Variants in EPHA6 observed in about 807,000 individuals in gnomAD.
EPHA6 encodes the protein EPH receptor A6.
Under a neutral mutation model 112.0 loss-of-function variants are expected in EPHA6, and 50 were observed. The observed-to-expected ratio is 0.45, with a 90% confidence interval of 0.36 to 0.56. The LOEUF is 0.56. EPHA6 is among the 20% of genes least tolerant of loss of function. EPHA6 has a pLI of 0.00. For synonymous variants in EPHA6, 529 were observed against 490.7 expected, an observed-to-expected ratio of 1.08 and a Z score of -1.03; for missense variants, 1,280 against 1,417.4, an observed-to-expected ratio of 0.90 and a Z score of 1.56.
chr3:97,536,560 G>T (rs1250180962), intron 11 of EPHA6, among the ~76,000 whole-genome samples: 1 of 152,150 alleles, frequency 6.6e-6, no homozygotes, highest in Non-Finnish European at 1.5e-5. Flanking sequence ...AACAGAAAGT[G>T]CTGCGCTTGC....
chr3:97,342,374 C>T (rs2083348105), intron 5 of EPHA6, among the ~76,000 whole-genome samples: 1 of 152,178 alleles, frequency 6.6e-6, no homozygotes, highest in Admixed American at 6.5e-5. Context: ...GTCATCAATT[C>T]AAACAAGTTT....
chr3:97,668,162 G>GC (rs1467335884), intron 14 of EPHA6, among the ~76,000 whole-genome samples: 1 of 152,146 alleles, frequency 6.6e-6, no homozygotes, highest in Non-Finnish European at 1.5e-5. Context: ...GTTACCAACT[G>GC]CCCTCATAAT....
rs192634028 is a variant in EPHA6, at chr3:97,718,450, A to G, written c.2785-1811A>G. 6.6e-5 allele frequency among the ~76,000 whole-genome samples: 10 copies of G among 152,354 alleles called. No homozygotes were observed. The East Asian group carries it at 1.7e-3, about 26-fold the overall frequency. On this transcript the variant is annotated intron_variant, in intron 14 of 17. Coordinates refer to ENST00000389672, the MANE Select transcript of EPHA6 (RefSeq NM_001080448.3). ...GTTAAGTTTGAATTGCAGATAAACA[A>G]TGATTTGGTTTTTTTTAAGTATAAA...
intron 3 of EPHA6, among the ~76,000 whole-genome samples, chr3:97,220,531 G>T (rs2078163646): frequency 6.6e-6 from 1 of 152,152 alleles, no homozygotes; most frequent in Non-Finnish European, 1.5e-5. Flanking sequence ...ATGGCAGAAG[G>T]CAAAGGGGAA....
chr3:96,834,243 A>G (rs947121808), intron 1 of EPHA6, among the ~76,000 whole-genome samples: 1 of 152,010 alleles, frequency 6.6e-6, no homozygotes, highest in Non-Finnish European at 1.5e-5. Flanking sequence ...TACACAGGAA[A>G]AAATGAAAGA....
chr3:97,642,673 T>A (rs890581447), intron 14 of EPHA6, among the ~76,000 whole-genome samples: 2 of 151,958 alleles, frequency 1.3e-5, no homozygotes, highest in African/African-American at 4.8e-5. Flanking sequence ...TGCGATCAAC[T>A]GGAAGAAAGG....
In EPHA6 at chr3:97,586,150, T is replaced by C. The variant is rs541728827; in HGVS notation, c.2387-6462T>C. On this transcript the variant is annotated intron_variant, in intron 11 of 17. Transcript: ENST00000389672. ...TGTATCCACTCACTCAACTTGCATTTATTGAAACCCAGATCTGTGCATCTT... is the reference window on the plus strand; with the variant it reads ...TGTATCCACTCACTCAACTTGCATTCATTGAAACCCAGATCTGTGCATCTT... Among the ~76,000 whole-genome samples, 46 of 152,320 alleles carry C rather than the reference T, an allele frequency of 3.0e-4. 1 individual carries two copies. Among genetic ancestry groups the C allele is most frequent in the African/African-American group, 1.1e-3 (44 of 41,568 alleles).
intron 14 of EPHA6, among the ~76,000 whole-genome samples, chr3:97,706,182 T>G (rs964165416): frequency 4.6e-5 from 7 of 152,204 alleles, no homozygotes; most frequent in Admixed American, 1.3e-4. Context: ...TAAAGTGATT[T>G]TATTCTTTTT....
Position 97,543,692 on chromosome 3 carries a change from G to C in EPHA6, c.2386+11149G>C, listed in dbSNP as rs575015117. Among the ~76,000 whole-genome samples the C allele has an allele frequency of 2.2e-4, 34 of 152,004 alleles. No homozygotes were observed. In the Middle Eastern group the frequency reaches 0.014, roughly 61 times the overall value. ...TCTATAAATTACCTTGGGCAGTATG[G>C]CCATTTTCACGATATTGATTCTTCC... On this transcript the variant is annotated intron_variant, in intron 11 of 17. Coordinates refer to ENST00000389672, the MANE Select transcript of EPHA6 (RefSeq NM_001080448.3).
At chr3:97,014,821 A>G (rs985404966) in intron 3 of EPHA6, among the ~76,000 whole-genome samples, 19 of 152,300 alleles carry the variant, frequency 1.2e-4, no homozygotes, top group Non-Finnish European at 2.2e-4. Context: ...TTTCCTTAAC[A>G]TAACAATGCA....
At position 97,196,182 on chromosome 3, in the gene EPHA6, G is replaced by A. The variant is rs553100938; in HGVS notation, c.1115-30082G>A. 1.9e-4 allele frequency among the ~76,000 whole-genome samples: 27 copies of A among 142,818 alleles called. No homozygotes were observed. In the South Asian group the frequency reaches 6.0e-3, roughly 32 times the overall value. 93.7% of individuals were successfully genotyped at this position (142,818 alleles called of 152,430 possible). ...TTCTTCCTTGTTTTTTTTTTCTTTT[G>A]TCTCCATTTACTGTGTATTTTCAAA... On this transcript the variant is annotated intron_variant, in intron 3 of 17. Transcript: ENST00000389672.
intron 10 of EPHA6, among the ~76,000 whole-genome samples, chr3:97,518,564 T>C (rs373757896): frequency 6.6e-6 from 1 of 152,004 alleles, no homozygotes; most frequent in African/African-American, 2.4e-5. Context: ...CCATACTGTT[T>C]TCCATAGTGG....
intron 7 of EPHA6, among the ~76,000 whole-genome samples, chr3:97,469,719 T>G (rs906313377): frequency 6.6e-6 from 1 of 151,692 alleles, no homozygotes; most frequent in Non-Finnish European, 1.5e-5. Context: ...GAATGGGACA[T>G]GGGAAAGGGA....
At chr3:97,729,357 G>C (rs918353420) in intron 15 of EPHA6, among the ~76,000 whole-genome samples, 2 of 152,066 alleles carry the variant, frequency 1.3e-5, no homozygotes, top group Admixed American at 6.6e-5. Flanking sequence ...AGGCTTAATG[G>C]ACTCACAGTT....
At chr3:96,954,944 A>G (rs2041701482) in intron 2 of EPHA6, among the ~76,000 whole-genome samples, 1 of 151,028 alleles carries the variant, frequency 6.6e-6, no homozygotes. Context: ...TGTGCCTTCT[A>G]CATCTAGAAT....
At chr3:97,336,101 TCCAGTTGC>T (rs2083043874) in intron 5 of EPHA6, among the ~76,000 whole-genome samples, 1 of 152,116 alleles carries the variant, frequency 6.6e-6, no homozygotes, top group Admixed American at 6.6e-5. Flanking sequence ...TCTTGCAGCC[TCCAGTTGC>T]ATGACTCCTA....
At chr3:97,668,994 T>C (rs2030485633) in intron 14 of EPHA6, among the ~76,000 whole-genome samples, 1 of 150,390 alleles carries the variant, frequency 6.6e-6, no homozygotes, top group Non-Finnish European at 1.5e-5. Flanking sequence ...TGACATTCAT[T>C]ATGCTAATTA....
chr3:97,303,287 A>G (rs2081172519), intron 5 of EPHA6, among the ~76,000 whole-genome samples: 1 of 152,028 alleles, frequency 6.6e-6, no homozygotes, highest in Non-Finnish European at 1.5e-5. Context: ...CTCTGGAATA[A>G]TATAAGGACA....
At chr3:97,369,924 A>T (rs1369985252) in intron 5 of EPHA6, among the ~76,000 whole-genome samples, 2 of 152,188 alleles carry the variant, frequency 1.3e-5, no homozygotes, top group East Asian at 3.8e-4. Flanking sequence ...TTCTTTCCAT[A>T]AAGATGGTAG....
Sources: allele counts gnomAD v4.1 joint callset (sites outside exome capture counted in the v4.1 genomes callset), GRCh38; gene constraint gnomAD v4.1.1; transcripts MANE v1.5; gene names NCBI Gene and HGNC (gene_info 2026-07-23, HGNC 2026-07-21).